Variants in POLR2J observed in about 807,000 individuals in gnomAD.
POLR2J encodes RNA polymerase II subunit J, also known as DNA-directed RNA polymerase II subunit RPB11-a.
A neutral mutation model predicts 13.4 loss-of-function variants in POLR2J; 12 were observed. The observed-to-expected ratio is 0.90, with a 90% CI of 0.57 to 1.45. The LOEUF is 1.45. Ranked by LOEUF, POLR2J falls within the 40% of genes most tolerant of loss-of-function variation. The probability of loss-of-function intolerance (pLI) is 0.00; values close to 1 mark genes in which losing one functional copy is unlikely to be tolerated. For synonymous variants in POLR2J, 31 were observed against 53.6 expected (o/e 0.58, Z 1.84); for missense variants, 58 against 132.0 (o/e 0.44, Z 2.75).
intron 2 of POLR2J, among the ~76,000 whole-genome samples, chr7:102,475,605 G>A (rs1417022390): frequency 6.6e-6 from 1 of 152,232 alleles, no homozygotes; most frequent in Non-Finnish European, 1.5e-5. Flanking sequence ...TCTGCTGCTC[G>A]TTCATTTACA....
chr7:102,477,437 T>TGA (rs1225901132), intron 1 of POLR2J, among the ~76,000 whole-genome samples: 146 of 80,882 alleles, frequency 1.8e-3, no homozygotes, highest in African/African-American at 4.9e-3. Context: ...CTCACACAGG[T>TGA]GAGAGGTATC....
intron 1 of POLR2J, among the ~76,000 whole-genome samples, chr7:102,476,787 C>CT (rs201298193): frequency 0.056 from 5,462 of 97,158 alleles, 161 homozygotes; most frequent in East Asian, 0.34. Context: ...TGAATTCCTC[C>CT]TTTTTTTTTT....
intron 1 of POLR2J, among the ~76,000 whole-genome samples, chr7:102,478,511 C>A (rs1425975660): frequency 6.6e-6 from 1 of 152,034 alleles, no homozygotes; most frequent in African/African-American, 2.4e-5. Context: ...GAGGAAGCTG[C>A]CAGATCCCAG....
Position 102,473,534 on chromosome 7 carries a change from C to T in POLR2J, c.*115G>A. 2 of 1,504,798 alleles carry T rather than the reference C, an allele frequency of 1.3e-6. No individual in the cohort carries two copies. The highest frequency in any genetic ancestry group is 1.8e-6 in the Non-Finnish European group (2 of 1,116,578). The allele number at this position is 1,504,798 out of a possible 1,614,324, so 93.2% of individuals were successfully genotyped here. ...ACGTCGGTGTCAGGGTGAGGGGTGG[C>T]CACAAGGCGGGCCATGGCTGGGACC... On this transcript the variant is annotated 3_prime_UTR_variant, in exon 4 of 4. Transcript: ENST00000292614.
At chr7:102,475,652 A>G (rs1440178364) in intron 2 of POLR2J, among the ~76,000 whole-genome samples, 26 of 152,406 alleles carry the variant, frequency 1.7e-4, no homozygotes, top group Admixed American at 1.5e-3. Flanking sequence ...GGCCGGGCGC[A>G]GTAGCTCACG....
chr7:102,477,986 CTTTT>C (rs1193332852), intron 1 of POLR2J, among the ~76,000 whole-genome samples: 15 of 119,968 alleles, frequency 1.3e-4, no homozygotes, highest in Non-Finnish European at 2.2e-4. Context: ...GGCCAGATCC[CTTTT>C]TTTGTTTTTT....
In POLR2J at chr7:102,474,238, C is replaced by T. The variant is rs1255209205; in HGVS notation, c.318+123G>A. On this transcript the variant is annotated intron_variant, in intron 3 of 3. Transcript: ENST00000292614. The stretch of plus-strand genomic sequence containing the variant: ...CTGGAGCCTGTGGTGGAAGTCCCTG[C>T]TCTTCCATCACTGCCGCCTCTCCCC... 9.3e-5 allele frequency: 148 copies of T among 1,589,956 alleles called. 2 individuals carry two copies. The highest frequency in any genetic ancestry group is 8.6e-4 in the South Asian group (77 of 89,310).
intron 2 of POLR2J, among the ~76,000 whole-genome samples, chr7:102,475,161 C>T (rs531930503): frequency 6.6e-6 from 1 of 152,242 alleles, no homozygotes; most frequent in Admixed American, 6.5e-5. Context: ...AGCTTGGGTG[C>T]CCCACTGGCT....
chr7:102,473,717 G>A (rs370759626), intron 3 of POLR2J, 33 bp from the exon 4 acceptor site: 15 of 1,613,272 alleles, frequency 9.3e-6, no homozygotes, highest in Non-Finnish European at 1.2e-5. Flanking sequence ...AGACTGAGCT[G>A]GAACAGCTGG....
chr7:102,474,054 A>C, intron 3 of POLR2J: 1 of 1,403,882 alleles, frequency 7.1e-7, no homozygotes, highest in Non-Finnish European at 9.3e-7. Flanking sequence ...AGGCCTTGCC[A>C]ATCACCAACA....
At chr7:102,473,954 C>CTCTAAACTGTTCTAG in intron 3 of POLR2J, 1 of 1,435,740 alleles carries the variant, frequency 7.0e-7, no homozygotes, top group South Asian at 1.5e-5. Flanking sequence ...GCTCTTTCCC[C>CTCTAAACTGTTCTAG]TCTAAACTGT....
In POLR2J at chr7:102,478,884, A is replaced by C. The variant is rs747629072; in HGVS notation, c.-24T>G. On this transcript the variant is annotated 5_prime_UTR_variant, in exon 1 of 4. Transcript: ENST00000292614. ...ATGCTCCCGCCGCCGTTGCGTCCAG[A>C]CCCCAAGGGTCCGCCGCCGCCGCCA... The C allele has an allele frequency of 6.2e-7, 1 of 1,609,988 alleles. No homozygotes were observed. Among genetic ancestry groups the C allele is most frequent in the Non-Finnish European group, 8.5e-7 (1 of 1,179,522 alleles).
chr7:102,473,746 A>G, intron 3 of POLR2J, 62 bp from the exon 4 acceptor site: 3 of 1,608,108 alleles, frequency 1.9e-6, no homozygotes, highest in Non-Finnish European at 2.5e-6. Flanking sequence ...CGCTGGAAAC[A>G]CATGCCCAGC....
chr7:102,473,267 G>GGAGCTCATGGGTTT lies in POLR2J; in HGVS notation c.*368_*381dup, dbSNP rs1798285464. The GGAGCTCATGGGTTT allele has an allele frequency of 1.6e-6, 1 of 625,976 alleles. No individual in the cohort carries two copies. Among genetic ancestry groups the GGAGCTCATGGGTTT allele is most frequent in the African/African-American group, 1.8e-5 (1 of 54,238 alleles). 38.8% of individuals were successfully genotyped at this position (625,976 alleles called of 1,614,324 possible). A position where few individuals can be genotyped will look rare whatever the true frequency, so the allele number is the denominator to read the frequency against. On this transcript the variant is annotated 3_prime_UTR_variant, in exon 4 of 4. Transcript: ENST00000292614. ...GAGGCTTCTAGAGCAGAGACTCTTGGGAGCTCATGGGTTTGCACACTTCTC... is the reference window on the plus strand; with the variant it reads ...GAGGCTTCTAGAGCAGAGACTCTTGGGAGCTCATGGGTTTGAGCTCATGGGTTTGCACACTTCTC...
intron 1 of POLR2J, 141 bp from the exon 2 acceptor site, chr7:102,476,411 A>C (rs1412373042): frequency 9.7e-6 from 6 of 616,394 alleles, no homozygotes; most frequent in Non-Finnish European, 1.8e-5. Context: ...TGGATGGATG[A>C]CCTGAGGTCA....
chr7:102,475,580 C>G (rs1798405453), intron 2 of POLR2J, among the ~76,000 whole-genome samples: 2 of 152,182 alleles, frequency 1.3e-5, no homozygotes, highest in African/African-American at 4.8e-5. Context: ...AACACACAGG[C>G]CTACTGTGCT....
chr7:102,473,474 T>C lies in POLR2J; in HGVS notation c.*175A>G. 4 of 804,072 alleles carry C rather than the reference T, an allele frequency of 5.0e-6. No homozygotes were observed. Among genetic ancestry groups the C allele is most frequent in the Non-Finnish European group, 6.9e-6 (4 of 576,334 alleles). 49.8% of individuals were successfully genotyped at this position (804,072 alleles called of 1,614,324 possible). A position where few individuals can be genotyped will look rare whatever the true frequency, so the allele number is the denominator to read the frequency against. On this transcript the variant is annotated 3_prime_UTR_variant, in exon 4 of 4. Transcript: ENST00000292614. The stretch of plus-strand genomic sequence containing the variant: ...CATCCAGGTCTCTCCCGCTATACTT[T>C]ATTAGGAATATAAAACCTAATCTAT...
At chr7:102,474,311 C>T (rs530882035) in intron 3 of POLR2J, 50 bp downstream of exon 3, 250 of 1,611,606 alleles carry the variant, frequency 1.6e-4, no homozygotes, top group African/African-American at 8.9e-4. Context: ...CCTGGGCACA[C>T]GGGCCAGTGT....
chr7:102,475,611 T>C (rs1412818519), intron 2 of POLR2J, among the ~76,000 whole-genome samples: 1 of 152,248 alleles, frequency 6.6e-6, no homozygotes, highest in Non-Finnish European at 1.5e-5. Context: ...GCTCGTTCAT[T>C]TACAGAATGT....
Sources: allele counts gnomAD v4.1 joint callset (sites outside exome capture counted in the v4.1 genomes callset), GRCh38; gene constraint gnomAD v4.1.1; transcripts MANE v1.5; gene names NCBI Gene and HGNC (gene_info 2026-07-23, HGNC 2026-07-21).